The following RBFOX1 variants were observed in gnomAD, a reference collection of about 807,000 sequenced individuals.
RBFOX1 encodes RNA binding protein fox-1 homolog 1.
RBFOX1 carries 8 observed loss-of-function variants against 57.7 expected under a neutral mutation model. The observed-to-expected ratio is 0.14, with a 90% CI of 0.08 to 0.25. The LOEUF (loss-of-function observed/expected upper bound fraction) is 0.25. Ranked by LOEUF, RBFOX1 falls within the 10% of genes least tolerant of loss-of-function variation. RBFOX1 has a pLI of 1.00. For synonymous variants in RBFOX1, 326 were observed against 222.4 expected (o/e 1.47, Z -4.15); for missense variants, 611 against 548.5 (o/e 1.11, Z -1.14).
At chr16:5,628,139 G>T (rs934411529) in intron 3 of RBFOX1, among the ~76,000 whole-genome samples, 1 of 152,118 alleles carries the variant, frequency 6.6e-6, no homozygotes, top group Non-Finnish European at 1.5e-5. Flanking sequence ...TTTGGTGCTG[G>T]CTCACAGTTT....
rs191685659 is a variant in RBFOX1, at chr16:5,742,755, G to A, written c.319-124548G>A. Among the ~76,000 whole-genome samples the A allele has an allele frequency of 1.1e-3, 160 of 152,308 alleles. 2 individuals carry two copies. The highest frequency in any genetic ancestry group is 4.2e-3 in the Admixed American group (64 of 15,298). ...AGGACCTTGTTTACGTCTAGATAGCGTTTATGGAAGAAGGAGGCTTCAAAT... is the reference window on the plus strand; with the variant it reads ...AGGACCTTGTTTACGTCTAGATAGCATTTATGGAAGAAGGAGGCTTCAAAT... On this transcript the variant is annotated intron_variant, in intron 3 of 19. Transcript: ENST00000641259.
chr16:5,569,607 G>C (rs1187531162), intron 2 of RBFOX1, among the ~76,000 whole-genome samples: 13 of 151,948 alleles, frequency 8.6e-5, no homozygotes, highest in Non-Finnish European at 1.5e-5. Flanking sequence ...CTGAGATTTA[G>C]AGAGAGATAA....
intron 3 of RBFOX1, among the ~76,000 whole-genome samples, chr16:6,855,883 C>G (rs1218006083): frequency 6.8e-6 from 1 of 147,298 alleles, no homozygotes; most frequent in Non-Finnish European, 1.5e-5. Context: ...TTCTTCCCTC[C>G]TTGTCTCCCT....
At chr16:6,212,519 A>G (rs1258039043) in intron 1 of RBFOX1, among the ~76,000 whole-genome samples, 1 of 152,120 alleles carries the variant, frequency 6.6e-6, no homozygotes, top group African/African-American at 2.4e-5. Flanking sequence ...CATCCTGGCT[A>G]ATATGGTGAA....
At chr16:6,087,069 C>G (rs1185494170) in intron 1 of RBFOX1, among the ~76,000 whole-genome samples, 1 of 151,968 alleles carries the variant, frequency 6.6e-6, no homozygotes, top group Non-Finnish European at 1.5e-5. Flanking sequence ...CCACAATGTC[C>G]CAAAAGGAAA....
chr16:6,104,062 G>C (rs1460698904), intron 1 of RBFOX1, among the ~76,000 whole-genome samples: 2 of 151,904 alleles, frequency 1.3e-5, no homozygotes, highest in African/African-American at 4.8e-5. Context: ...TAGCAGGATT[G>C]TCCACTCTAT....
chr16:6,806,540 G>C (rs1300702133), intron 3 of RBFOX1, among the ~76,000 whole-genome samples: 1 of 151,926 alleles, frequency 6.6e-6, no homozygotes, highest in Non-Finnish European at 1.5e-5. Context: ...ATCTTACATG[G>C]ATAGTCTGTG....
chr16:7,284,903 T>A (rs796926446), intron 4 of RBFOX1, among the ~76,000 whole-genome samples: 1 of 152,014 alleles, frequency 6.6e-6, no homozygotes, highest in Admixed American at 6.6e-5. Context: ...GCATGCACAC[T>A]CTTTCTTACA....
At chr16:6,320,430 A>C (rs1292951486) in intron 2 of RBFOX1, among the ~76,000 whole-genome samples, 1 of 151,994 alleles carries the variant, frequency 6.6e-6, no homozygotes, top group Non-Finnish European at 1.5e-5. Context: ...AACCTCAAAA[A>C]TCGCCACTAA....
chr16:6,721,980 T>A (rs554030763), intron 3 of RBFOX1: 3 of 153,396 alleles, frequency 2.0e-5, no homozygotes, highest in African/African-American at 7.2e-5. Context: ...CTAAGGTTCA[T>A]CTGTATTACA....
chr16:5,842,768 T>A (rs1449726931), intron 3 of RBFOX1, among the ~76,000 whole-genome samples: 2 of 152,188 alleles, frequency 1.3e-5, no homozygotes, highest in Non-Finnish European at 2.9e-5. Flanking sequence ...ACTGAACAGC[T>A]ACTGTGTACC....
rs2093495366 is a variant in RBFOX1 at position 7,008,988 on chromosome 16, CCCTTCCTCCCTCCCTCCCTT to C, written c.-15-43065_-15-43046del. On this transcript the variant is annotated intron_variant, in intron 3 of 15. Transcript: ENST00000550418. ...TCCCTCCCTCCCTCCCTTCCTCCCT[CCCTTCCTCCCTCCCTCCCTT>C]CCTCCCTCCCTCCCTTCCTCCCTCC... is the stretch of plus-strand genomic sequence containing the variant. 4.8e-4 allele frequency among the ~76,000 whole-genome samples: 2 copies of C among 4,144 alleles called. 1 individual carries two copies. Among genetic ancestry groups the C allele is most frequent in the African/African-American group, 1.8e-3 (2 of 1,092 alleles). 2.7% of individuals were successfully genotyped at this position (4,144 alleles called of 152,430 possible). A position where few individuals can be genotyped will look rare whatever the true frequency, so the allele number is the denominator to read the frequency against.
Position 6,339,218 on chromosome 16 carries a change from T to C in RBFOX1, c.-64+22161T>C, listed in dbSNP as rs377114626. On this transcript the variant is annotated intron_variant, in intron 2 of 15. Coordinates refer to ENST00000550418, the MANE Select transcript of RBFOX1 (RefSeq NM_018723.4). ...ACTGGCCATCCCAGGATTTCCACAA[T>C]TGAGGAGTGTCCTTAGAGGTGGGAC... 4.6e-5 allele frequency among the ~76,000 whole-genome samples: 7 copies of C among 152,282 alleles called. No individual in the cohort carries two copies. The South Asian group carries it at 1.0e-3, about 23-fold the overall frequency.
intron 3 of RBFOX1, among the ~76,000 whole-genome samples, chr16:6,745,684 A>C (rs2073422615): frequency 6.6e-6 from 1 of 152,236 alleles, no homozygotes; most frequent in Admixed American, 6.5e-5. Flanking sequence ...TGTATAGCTA[A>C]TATCATGCTT....
chr16:7,293,685 G>C (rs1423851646), intron 4 of RBFOX1, among the ~76,000 whole-genome samples: 1 of 152,118 alleles, frequency 6.6e-6, no homozygotes, highest in Non-Finnish European at 1.5e-5. Context: ...TGTTTGCCGA[G>C]GTGAGATTTT....
intron 5 of RBFOX1, among the ~76,000 whole-genome samples, chr16:7,554,772 G>A (rs900347726): frequency 7.2e-5 from 11 of 151,780 alleles, no homozygotes; most frequent in African/African-American, 2.2e-4. Context: ...ACAAAGCCAA[G>A]TGCACGACAT....
chr16:6,498,959 C>G (rs1237301932), intron 2 of RBFOX1, among the ~76,000 whole-genome samples: 3 of 152,084 alleles, frequency 2.0e-5, no homozygotes, highest in African/African-American at 7.2e-5. Context: ...TCCAATACAC[C>G]CCATTGGCAA....
chr16:7,017,184 C>G (rs984439780), intron 3 of RBFOX1, among the ~76,000 whole-genome samples: 3 of 152,144 alleles, frequency 2.0e-5, no homozygotes, highest in African/African-American at 7.2e-5. Context: ...CAAATCGTAT[C>G]TGCTTCAAGT....
chr16:6,606,764 G>A (rs1020484383), intron 2 of RBFOX1, among the ~76,000 whole-genome samples: 1 of 152,118 alleles, frequency 6.6e-6, no homozygotes, highest in Non-Finnish European at 1.5e-5. Context: ...TCATTGATGG[G>A]CATTTTGGTT....
Sources: gnomAD v4.1 joint callset for allele counts (sites outside exome capture counted in the v4.1 genomes callset) on GRCh38, gnomAD v4.1.1 for gene constraint, MANE v1.5 for transcripts, NCBI Gene and HGNC (gene_info 2026-07-23, HGNC 2026-07-21) for gene names.